FBXL17: variants seen among roughly 807,000 people sequenced by gnomAD.
The protein encoded by FBXL17 is F-box and leucine rich repeat protein 17, also known as F-box/LRR-repeat protein 17.
FBXL17 carries 22 observed loss-of-function variants against 66.2 expected under a neutral mutation model. The ratio of observed to expected loss-of-function variants is 0.33; its 90% CI spans 0.24 to 0.47. The LOEUF is 0.47. Ranked by LOEUF, FBXL17 falls within the 20% of genes least tolerant of loss-of-function variation. The pLI, the probability that FBXL17 is intolerant of heterozygous loss-of-function variation, is 1.00. For synonymous variants in FBXL17, 474 were observed against 400.5 expected, an observed-to-expected ratio of 1.18 and a Z score of -2.19; for missense variants, 878 against 948.2, an observed-to-expected ratio of 0.93 and a Z score of 0.97.
chr5:107,957,268 C>T (rs116295386), intron 7 of FBXL17, among the ~76,000 whole-genome samples: 4 of 152,162 alleles, frequency 2.6e-5, no homozygotes, highest in East Asian at 1.9e-4. Context: ...TGGGTGTAAA[C>T]GACATCTGGT....
intron 7 of FBXL17, among the ~76,000 whole-genome samples, chr5:107,932,093 C>A (rs1220102174): frequency 6.6e-6 from 1 of 152,100 alleles, no homozygotes; most frequent in African/African-American, 2.4e-5. Flanking sequence ...AAGAGGCATA[C>A]CCTTGGAAAG....
At chr5:108,237,631 T>A (rs554650005) in intron 4 of FBXL17, among the ~76,000 whole-genome samples, 20 of 152,282 alleles carry the variant, frequency 1.3e-4, no homozygotes, top group African/African-American at 4.6e-4. Context: ...TTAAGGGCTT[T>A]AAGTGCAGGG....
intron 6 of FBXL17, among the ~76,000 whole-genome samples, chr5:108,055,555 G>A (rs1308853946): frequency 7.5e-6 from 1 of 132,566 alleles, no homozygotes; most frequent in African/African-American, 2.8e-5. Context: ...CTTGCAGTGA[G>A]CCAAGATTGT....
chr5:108,340,205 T>C (rs1746790962), intron 4 of FBXL17, among the ~76,000 whole-genome samples: 2 of 151,888 alleles, frequency 1.3e-5, no homozygotes, highest in Middle Eastern at 3.4e-3. Context: ...GCAAAGAATT[T>C]AGAATGAGTA....
At chr5:108,217,505 T>C (rs1214067998) in intron 5 of FBXL17, among the ~76,000 whole-genome samples, 1 of 152,142 alleles carries the variant, frequency 6.6e-6, no homozygotes, top group African/African-American at 2.4e-5. Context: ...CGCTAGCTTT[T>C]GGTTTCATTA....
chr5:108,063,189 C>T lies in FBXL17; in HGVS notation c.1746-42188G>A, dbSNP rs899375123. On this transcript the variant is annotated intron_variant, in intron 6 of 8. Transcript: ENST00000542267. ...CCTCTCACAATGGAAAGCTGACATT[C>T]CTAAATGTACAAAGAGGAGGCACTG... 3.3e-5 allele frequency among the ~76,000 whole-genome samples: 5 copies of T among 152,060 alleles called. No homozygotes were observed. The East Asian group carries it at 9.6e-4, about 29-fold the overall frequency.
intron 6 of FBXL17, among the ~76,000 whole-genome samples, chr5:108,158,240 TA>T (rs200056404): frequency 0.013 from 1,930 of 152,176 alleles, 38 homozygotes; most frequent in African/African-American, 0.043. Flanking sequence ...ATAAGTATAT[TA>T]AAGTGTACAA....
intron 7 of FBXL17, among the ~76,000 whole-genome samples, chr5:108,010,320 C>G (rs1483658428): frequency 6.6e-6 from 1 of 152,126 alleles, no homozygotes; most frequent in African/African-American, 2.4e-5. Context: ...GATGGACTAG[C>G]TAAAATGTAA....
intron 4 of FBXL17, chr5:108,299,406 C>T (rs1352980073): frequency 3.1e-6 from 3 of 970,948 alleles, no homozygotes; most frequent in African/African-American, 3.5e-5. Context: ...AGCAAGTTTA[C>T]ATTACACAAA....
intron 7 of FBXL17, among the ~76,000 whole-genome samples, chr5:107,935,937 G>A (rs1157185130): frequency 1.3e-5 from 2 of 152,100 alleles, no homozygotes; most frequent in Non-Finnish European, 2.9e-5. Context: ...AGAAATCCTG[G>A]AGAATCTGAG....
intron 6 of FBXL17, among the ~76,000 whole-genome samples, chr5:108,101,481 A>G (rs558808871): frequency 6.6e-6 from 1 of 152,358 alleles, no homozygotes; most frequent in South Asian, 2.1e-4. Context: ...GTCAAGGAAA[A>G]CATGAACAAG....
intron 6 of FBXL17, among the ~76,000 whole-genome samples, chr5:108,096,157 T>C (rs1007485460): frequency 6.6e-6 from 1 of 152,216 alleles, no homozygotes; most frequent in Non-Finnish European, 1.5e-5. Flanking sequence ...ATTTTGTTCA[T>C]AAATGTTAGT....
chr5:107,919,601 C>G (rs890765699), intron 7 of FBXL17, among the ~76,000 whole-genome samples: 1 of 152,184 alleles, frequency 6.6e-6, no homozygotes, highest in African/African-American at 2.4e-5. Context: ...CTACACTGCT[C>G]TCATCCCTGT....
chr5:107,875,810 A>G (rs543151931), intron 8 of FBXL17, among the ~76,000 whole-genome samples: 1 of 152,316 alleles, frequency 6.6e-6, no homozygotes, highest in South Asian at 2.1e-4. Flanking sequence ...TGAGAAATGA[A>G]TTAATTCGAT....
chr5:107,996,736 C>T (rs945245666), intron 7 of FBXL17, among the ~76,000 whole-genome samples: 4 of 152,126 alleles, frequency 2.6e-5, no homozygotes, highest in Admixed American at 6.5e-5. Context: ...AGTGAAGAAA[C>T]TGAGATCCAG....
intron 5 of FBXL17, among the ~76,000 whole-genome samples, chr5:108,201,009 T>C (rs1753872286): frequency 6.6e-6 from 1 of 152,168 alleles, no homozygotes; most frequent in Admixed American, 6.6e-5. Flanking sequence ...CAAATTCTGC[T>C]AAAATGTTGA....
intron 7 of FBXL17, among the ~76,000 whole-genome samples, chr5:107,901,270 A>C (rs1319017219): frequency 6.6e-6 from 1 of 152,216 alleles, no homozygotes; most frequent in Admixed American, 6.5e-5. Flanking sequence ...TGAAATTGAC[A>C]CTTTTGTGGG....
chr5:108,145,945 G>A (rs1477710746), intron 6 of FBXL17, among the ~76,000 whole-genome samples: 2 of 152,012 alleles, frequency 1.3e-5, no homozygotes, highest in African/African-American at 2.4e-5. Context: ...CAGGCCGGGT[G>A]CAGTGGCTCA....
intron 4 of FBXL17, among the ~76,000 whole-genome samples, chr5:108,302,219 C>T (rs2150180746): frequency 6.6e-6 from 1 of 151,674 alleles, no homozygotes; most frequent in East Asian, 1.9e-4. Flanking sequence ...AATGACTATC[C>T]CAAGTAAATA....
Sources: gnomAD v4.1 joint callset for allele counts (sites outside exome capture counted in the v4.1 genomes callset) on GRCh38, gnomAD v4.1.1 for gene constraint, MANE v1.5 for transcripts, NCBI Gene and HGNC (gene_info 2026-07-23, HGNC 2026-07-21) for gene names.